SNX14: variants seen among roughly 807,000 people sequenced by gnomAD.
The protein encoded by SNX14 is sorting nexin-14.
In SNX14, 93 loss-of-function variants were observed where a neutral mutation model predicts 133.8. That is an observed-to-expected ratio of 0.70 (90% CI 0.59 to 0.83). The LOEUF (loss-of-function observed/expected upper bound fraction) is 0.83. Ranked by LOEUF, SNX14 falls within the 40% of genes least tolerant of loss-of-function variation. The probability of loss-of-function intolerance (pLI) is 0.00; values close to 1 mark genes in which losing one functional copy is unlikely to be tolerated. For missense variants in SNX14, 945 were observed against 1,094.9 expected (o/e 0.86, Z 1.93); for synonymous variants, 368 against 365.6 (o/e 1.01, Z -0.07).
At chr6:85,570,977 T>C (rs963078208) in intron 4 of SNX14, among the ~76,000 whole-genome samples, 15 of 152,296 alleles carry the variant, frequency 9.8e-5, no homozygotes, top group Non-Finnish European at 1.9e-4. Flanking sequence ...CTAGCACATT[T>C]CAAGTGTTTA....
intron 1 of SNX14, chr6:85,589,774 T>C (rs1309387462): frequency 6.6e-6 from 1 of 152,274 alleles, no homozygotes; most frequent in Non-Finnish European, 1.5e-5. Flanking sequence ...AGTAATTTAT[T>C]GTTTCAAGTC....
chr6:85,536,998 T>C (rs201473244), intron 16 of SNX14, 74 bp from the exon 17 acceptor site: 10 of 1,344,908 alleles, frequency 7.4e-6, no homozygotes, highest in Non-Finnish European at 7.9e-6. Context: ...AAACCATTAT[T>C]AAAAAAAAGA....
intron 1 of SNX14, among the ~76,000 whole-genome samples, chr6:85,586,008 A>C (rs1280036667): frequency 6.6e-6 from 1 of 151,462 alleles, no homozygotes; most frequent in Non-Finnish European, 1.5e-5. Context: ...AAAAAAAAAA[A>C]CTAAATCTAA....
At chr6:85,517,943 T>C (rs1775616370) in intron 22 of SNX14, 65 bp downstream of exon 22, 1 of 1,572,720 alleles carries the variant, frequency 6.4e-7, no homozygotes, top group East Asian at 2.3e-5. Flanking sequence ...TCCAGCAAAA[T>C]TTATCAATAT....
chr6:85,548,234 G>T, intron 9 of SNX14, 67 bp downstream of exon 9: 2 of 1,172,060 alleles, frequency 1.7e-6, no homozygotes, highest in Non-Finnish European at 1.2e-6. Flanking sequence ...ACATAAAAAT[G>T]TTTAAGATAC....
chr6:85,534,370 C>T lies in SNX14; in HGVS notation c.1609-570G>A, dbSNP rs1781202163. On this transcript the variant is annotated intron_variant, in intron 17 of 28. Coordinates refer to ENST00000314673, the MANE Select transcript of SNX14 (RefSeq NM_153816.6). Reference sequence around the variant, plus strand: ...GTGAAACTGGAAACTTCTCTTTTCCCTCAACTTCCTAAACAAGACAAAGAG... The same window carrying T: ...GTGAAACTGGAAACTTCTCTTTTCCTTCAACTTCCTAAACAAGACAAAGAG... Among the ~76,000 whole-genome samples, 3 of 152,318 alleles carry T rather than the reference C, an allele frequency of 2.0e-5. No individual in the cohort carries two copies. The South Asian group carries it at 6.2e-4, about 32-fold the overall frequency.
chr6:85,537,610 C>T (rs1782347416), intron 16 of SNX14, among the ~76,000 whole-genome samples: 4 of 152,134 alleles, frequency 2.6e-5, no homozygotes. Flanking sequence ...TAGCCTGCTA[C>T]CCAATGTTTC....
At chr6:85,539,981 A>ATTTTATTTTATTTTATTTTTTT (rs1554230930) in intron 15 of SNX14, among the ~76,000 whole-genome samples, 1 of 48,224 alleles carries the variant, frequency 2.1e-5, no homozygotes, top group Non-Finnish European at 5.2e-5. Context: ...TTTTATTTTA[A>ATTTTATTTTATTTTATTTTTTT]TTGAGGCGGA....
chr6:85,556,471 T>C (rs1249208934), intron 7 of SNX14, among the ~76,000 whole-genome samples: 1 of 99,910 alleles, frequency 1.0e-5, no homozygotes, highest in East Asian at 2.7e-4. Flanking sequence ...TTCACATTCA[T>C]CTTTTTTTTT....
chr6:85,573,838 C>T (rs958515947), intron 2 of SNX14, among the ~76,000 whole-genome samples: 2 of 152,148 alleles, frequency 1.3e-5, no homozygotes, highest in African/African-American at 4.8e-5. Context: ...ATTTACTGTA[C>T]AACCAGCTTT....
At chr6:85,534,812 A>G (rs1388430301) in intron 17 of SNX14, among the ~76,000 whole-genome samples, 1 of 145,650 alleles carries the variant, frequency 6.9e-6, no homozygotes, top group Non-Finnish European at 1.5e-5. Context: ...AATGTAGTCT[A>G]CAGGGGTGAA....
intron 2 of SNX14, among the ~76,000 whole-genome samples, chr6:85,573,416 G>C (rs1796306991): frequency 6.6e-6 from 1 of 152,132 alleles, no homozygotes; most frequent in Non-Finnish European, 1.5e-5. Context: ...AGAGGCAGAG[G>C]TTGCAGTGAA....
chr6:85,561,941 G>A (rs981139034), intron 6 of SNX14, among the ~76,000 whole-genome samples: 11 of 150,616 alleles, frequency 7.3e-5, no homozygotes, highest in East Asian at 3.9e-4. Flanking sequence ...AAATTATTTC[G>A]TCACCCAAGT....
intron 1 of SNX14, among the ~76,000 whole-genome samples, chr6:85,588,316 G>A (rs1364158997): frequency 6.6e-6 from 1 of 152,044 alleles, no homozygotes; most frequent in East Asian, 1.9e-4. Context: ...GCTCACGCCT[G>A]TAATCCCAGC....
At position 85,549,962 on chromosome 6, in the gene SNX14, A is replaced by T. The variant is rs1404916582; in HGVS notation, c.635-83T>A. ...CATTTCCACTAACAAATAGAAGAGC[A>T]TGGGCTGGGCGTGGTGGCTCATGCC... On this transcript the variant is annotated intron_variant, in intron 7 of 28. Coordinates refer to ENST00000314673, the MANE Select transcript of SNX14 (RefSeq NM_153816.6). 8.7e-6 allele frequency: 11 copies of T among 1,260,658 alleles called. No homozygotes were observed. The South Asian group carries it at 1.0e-4, about 11-fold the overall frequency. The allele number at this position is 1,260,658 out of a possible 1,614,324, so 78.1% of individuals were successfully genotyped here.
intron 12 of SNX14, among the ~76,000 whole-genome samples, chr6:85,545,825 A>G (rs1338186055): frequency 6.6e-6 from 1 of 152,156 alleles, no homozygotes; most frequent in Non-Finnish European, 1.5e-5. Context: ...CTGCGATTAC[A>G]GGCATGAGCC....
intron 1 of SNX14, among the ~76,000 whole-genome samples, chr6:85,580,619 G>A (rs995948222): frequency 6.6e-6 from 1 of 152,212 alleles, no homozygotes; most frequent in East Asian, 1.9e-4. Context: ...TGCCCTGAAA[G>A]GTGAGTTGCA....
In SNX14 at chr6:85,548,322, A is replaced by AG; in HGVS notation, c.845dup (p.Leu283PhefsTer6). 1 of 1,607,902 alleles carries AG rather than the reference A, an allele frequency of 6.2e-7. No individual in the cohort carries two copies. Among genetic ancestry groups the AG allele is most frequent in the South Asian group, 1.1e-5 (1 of 89,268 alleles). ...TTACTGGATCAGCTAGGAAATCCAA[A>AG]GAAGGAAGGAACACAGAGCCAGACA... On this transcript the variant is annotated frameshift_variant, in exon 9 of 29. Coordinates refer to ENST00000314673, the MANE Select transcript of SNX14 (RefSeq NM_153816.6). LOFTEE classifies it high-confidence loss of function.
intron 2 of SNX14, 90 bp downstream of exon 2, chr6:85,574,166 TAA>T: frequency 9.0e-7 from 1 of 1,107,000 alleles, no homozygotes; most frequent in Non-Finnish European, 1.2e-6. Flanking sequence ...TTTTGTAAAT[TAA>T]AAAAATATAC....
Sources: gnomAD v4.1 joint callset for allele counts (sites outside exome capture counted in the v4.1 genomes callset) on GRCh38, gnomAD v4.1.1 for gene constraint, MANE v1.5 for transcripts, NCBI Gene and HGNC (gene_info 2026-07-23, HGNC 2026-07-21) for gene names.